Variants in BABAM2 observed in about 807,000 individuals in gnomAD.
BABAM2 encodes BRISC and BRCA1 A complex member 2.
A neutral mutation model predicts 54.7 loss-of-function variants in BABAM2; 31 were observed. The observed-to-expected ratio is 0.57, with a 90% CI of 0.43 to 0.77. The LOEUF is 0.77. Ranked by LOEUF, BABAM2 falls within the 30% of genes least tolerant of loss-of-function variation. The pLI, the probability that BABAM2 is intolerant of heterozygous loss-of-function variation, is 0.00. For synonymous variants in BABAM2, 167 were observed against 162.9 expected (o/e 1.03, Z -0.19); for missense variants, 364 against 455.8 (o/e 0.80, Z 1.83).
chr2:28,011,035 G>C (rs1448998214), intron 4 of BABAM2, among the ~76,000 whole-genome samples: 1 of 152,154 alleles, frequency 6.6e-6, no homozygotes, highest in Non-Finnish European at 1.5e-5. Context: ...AATGTTGATG[G>C]GGTTAGATAG....
chr2:28,334,853 C>T (rs927403947), intron 11 of BABAM2, among the ~76,000 whole-genome samples: 1 of 152,188 alleles, frequency 6.6e-6, no homozygotes, highest in Admixed American at 6.5e-5. Context: ...TTCTCCTGCC[C>T]TGCCCGGCCT....
At chr2:28,291,701 T>C (rs1306893533) in intron 10 of BABAM2, among the ~76,000 whole-genome samples, 1 of 152,242 alleles carries the variant, frequency 6.6e-6, no homozygotes, top group African/African-American at 2.4e-5. Context: ...TAATATTTAG[T>C]CTTTCTTGTC....
At chr2:27,888,719 A>C (rs1438456758), upstream of BABAM2, among the ~76,000 whole-genome samples, 1 of 152,202 alleles carries the variant, frequency 6.6e-6, no homozygotes, top group African/African-American at 2.4e-5. Flanking sequence ...ATGTCTGCAA[A>C]CTATGGCCTG....
intron 2 of BABAM2, among the ~76,000 whole-genome samples, chr2:27,905,222 G>T (rs1028172014): frequency 1.3e-5 from 2 of 152,190 alleles, no homozygotes; most frequent in Non-Finnish European, 2.9e-5. Context: ...AGCAAGATTT[G>T]GCTGGGGAGG....
chr2:28,311,018 T>A (rs1367210724), intron 11 of BABAM2, among the ~76,000 whole-genome samples: 1 of 152,064 alleles, frequency 6.6e-6, no homozygotes, highest in Non-Finnish European at 1.5e-5. Context: ...TCCCAGCACT[T>A]TGGGAGGCCG....
At chr2:28,177,251 C>G (rs546429398) in intron 7 of BABAM2, among the ~76,000 whole-genome samples, 1 of 150,476 alleles carries the variant, frequency 6.6e-6, no homozygotes, top group East Asian at 1.9e-4. Flanking sequence ...ATGGCCTATT[C>G]GAAGTACTGA....
At chr2:28,281,718 C>T (rs1344785241) in intron 10 of BABAM2, among the ~76,000 whole-genome samples, 2 of 152,226 alleles carry the variant, frequency 1.3e-5, no homozygotes, top group Non-Finnish European at 2.9e-5. Context: ...CATCTGAAGG[C>T]TTGAATTCAA....
chr2:28,326,490 A>C (rs543165366), intron 11 of BABAM2, among the ~76,000 whole-genome samples: 1 of 151,910 alleles, frequency 6.6e-6, no homozygotes, highest in South Asian at 2.1e-4. Context: ...CCCCACACCC[A>C]CCACCTGGCC....
chr2:28,002,585 A>G (rs1673651258), intron 4 of BABAM2, among the ~76,000 whole-genome samples: 1 of 152,154 alleles, frequency 6.6e-6, no homozygotes, highest in Non-Finnish European at 1.5e-5. Context: ...TAATCCTAAG[A>G]TGGCTATCTA....
chr2:27,985,071 G>A (rs1031839426), intron 3 of BABAM2, among the ~76,000 whole-genome samples: 6 of 150,308 alleles, frequency 4.0e-5, no homozygotes, highest in African/African-American at 1.5e-4. Context: ...GTGTGTGTGT[G>A]TGTGTGTGTG....
chr2:28,277,923 C>T (rs568212562), intron 10 of BABAM2, among the ~76,000 whole-genome samples: 42 of 152,248 alleles, frequency 2.8e-4, no homozygotes, highest in African/African-American at 9.9e-4. Context: ...GTGTAGAAAC[C>T]CCCTCAGAAG....
intron 5 of BABAM2, among the ~76,000 whole-genome samples, chr2:28,029,826 G>A (rs139456962): frequency 3.3e-4 from 50 of 152,226 alleles, no homozygotes; most frequent in Admixed American, 5.9e-4. Flanking sequence ...ACAGTGCATG[G>A]TTCAGACTTA....
chr2:28,085,600 A>G (rs1426570014), intron 6 of BABAM2, among the ~76,000 whole-genome samples: 1 of 152,200 alleles, frequency 6.6e-6, no homozygotes. Context: ...TTAACATATT[A>G]CTTGACTTAT....
intron 7 of BABAM2, chr2:28,134,361 C>T (rs1670358566): frequency 6.6e-6 from 1 of 152,154 alleles, no homozygotes; most frequent in African/African-American, 2.4e-5. Flanking sequence ...TGGCGTGAAA[C>T]ATGCTCTACC....
intron 4 of BABAM2, among the ~76,000 whole-genome samples, chr2:27,992,255 T>C (rs892976505): frequency 3.9e-5 from 6 of 152,146 alleles, no homozygotes; most frequent in African/African-American, 7.2e-5. Flanking sequence ...GTTGTAAGAG[T>C]TCTTTATTCT....
intron 6 of BABAM2, among the ~76,000 whole-genome samples, chr2:28,059,266 A>G (rs1678676741): frequency 6.6e-6 from 1 of 151,882 alleles, no homozygotes. Flanking sequence ...TAATGACAAA[A>G]TAATGTCACA....
At chr2:28,062,257 C>CAAAAAAAA (rs796458704) in intron 6 of BABAM2, among the ~76,000 whole-genome samples, 1 of 68,428 alleles carries the variant, frequency 1.5e-5, no homozygotes. Context: ...GAGTCCGTCT[C>CAAAAAAAA]AAAAAAAAAA....
In BABAM2 at chr2:28,192,823, A is replaced by C. The variant is rs567143684; in HGVS notation, c.681-44379A>C. Among the ~76,000 whole-genome samples, 5 of 151,818 alleles carry C rather than the reference A, an allele frequency of 3.3e-5. No homozygotes were observed. In the South Asian group the frequency reaches 1.1e-3, roughly 32 times the overall value. On this transcript the variant is annotated intron_variant, in intron 7 of 11. Coordinates refer to ENST00000379624, the MANE Select transcript of BABAM2 (RefSeq NM_199191.3). ...AGGTGTGAGCCACCACGCCCGGCCT[A>C]TAGCTCCTTTTTATAGCTTAAGATG...
At chr2:28,248,437 G>A (rs985868770) in intron 10 of BABAM2, among the ~76,000 whole-genome samples, 3 of 151,738 alleles carry the variant, frequency 2.0e-5, no homozygotes, top group Non-Finnish European at 4.4e-5. Flanking sequence ...TCAAACTCCC[G>A]ACCTCAGGTG....
Sources: allele counts gnomAD v4.1 joint callset (sites outside exome capture counted in the v4.1 genomes callset), GRCh38; gene constraint gnomAD v4.1.1; transcripts MANE v1.5; gene names NCBI Gene and HGNC (gene_info 2026-07-23, HGNC 2026-07-21).